MAPK8: variants seen among roughly 807,000 people sequenced by gnomAD.
MAPK8 encodes mitogen-activated protein kinase 8.
Under a neutral mutation model 52.9 loss-of-function variants are expected in MAPK8, and 13 were observed. The ratio of observed to expected loss-of-function variants is 0.25; its 90% CI spans 0.16 to 0.39. The LOEUF (loss-of-function observed/expected upper bound fraction) is 0.39, where lower values mean the gene tolerates loss of function less well. Ranked by LOEUF, MAPK8 falls within the 10% of genes least tolerant of loss-of-function variation. The probability of loss-of-function intolerance (pLI) is 1.00; values close to 1 mark genes in which losing one functional copy is unlikely to be tolerated. For missense variants in MAPK8, 300 were observed against 519.2 expected (o/e 0.58, Z 4.10); for synonymous variants, 191 against 169.8 (o/e 1.12, Z -0.97).
chr10:48,434,774 C>A, intron 11 of MAPK8, 110 bp from the exon 12 acceptor site: 2 of 905,556 alleles, frequency 2.2e-6, no homozygotes, highest in Non-Finnish European at 3.2e-6. Flanking sequence ...TTTAGTGAGC[C>A]TTCGAAACCC....
At chr10:48,340,854 A>G (rs1040704294) in intron 1 of MAPK8, among the ~76,000 whole-genome samples, 4 of 152,144 alleles carry the variant, frequency 2.6e-5, no homozygotes, top group Non-Finnish European at 5.9e-5. Context: ...TACAAATTCT[A>G]GTCACCTTCA....
intron 1 of MAPK8, among the ~76,000 whole-genome samples, chr10:48,378,674 G>A (rs925923020): frequency 6.6e-6 from 1 of 151,934 alleles, no homozygotes; most frequent in South Asian, 2.1e-4. Context: ...GTGTGTTATA[G>A]TTTTCTTATG....
chr10:48,368,826 A>G (rs1848295975), intron 1 of MAPK8, among the ~76,000 whole-genome samples: 1 of 152,184 alleles, frequency 6.6e-6, no homozygotes, highest in Admixed American at 6.6e-5. Context: ...ATGGTTCAGT[A>G]TCAGATGCGT....
chr10:48,403,022 A>C (rs774175473), intron 2 of MAPK8, among the ~76,000 whole-genome samples: 1 of 152,216 alleles, frequency 6.6e-6, no homozygotes, highest in East Asian at 1.9e-4. Flanking sequence ...TAAAATATGC[A>C]AAGCAGTACC....
chr10:48,320,382 C>T (rs1428722201), intron 1 of MAPK8, among the ~76,000 whole-genome samples: 1 of 151,742 alleles, frequency 6.6e-6, no homozygotes, highest in Non-Finnish European at 1.5e-5. Context: ...GGACCACAGG[C>T]ACATGCCACC....
intron 1 of MAPK8, among the ~76,000 whole-genome samples, chr10:48,361,890 A>C (rs936718552): frequency 2.0e-5 from 3 of 152,214 alleles, no homozygotes; most frequent in African/African-American, 7.2e-5. Context: ...CCTTCCTGGC[A>C]TGCAGACTGA....
At chr10:48,405,582 C>G (rs1378972239) in intron 3 of MAPK8, among the ~76,000 whole-genome samples, 9 of 152,166 alleles carry the variant, frequency 5.9e-5, no homozygotes, top group Non-Finnish European at 1.3e-4. Flanking sequence ...AAGTTGCACT[C>G]ATTTTGAGAA....
chr10:48,403,949 G>A (rs1397777067), intron 2 of MAPK8, among the ~76,000 whole-genome samples: 5 of 150,486 alleles, frequency 3.3e-5, no homozygotes, highest in African/African-American at 1.2e-4. Flanking sequence ...GTGTGTGTGT[G>A]TGTGTGTGTA....
intron 5 of MAPK8, among the ~76,000 whole-genome samples, chr10:48,414,557 G>A (rs2042956734): frequency 1.4e-5 from 2 of 143,320 alleles, no homozygotes. Flanking sequence ...GGGTTCAATA[G>A]GTTGAAAAGA....
At chr10:48,372,929 A>G (rs1407291169) in intron 1 of MAPK8, among the ~76,000 whole-genome samples, 1 of 152,138 alleles carries the variant, frequency 6.6e-6, no homozygotes, top group Non-Finnish European at 1.5e-5. Context: ...CAAGACACAT[A>G]ATTGCCAATT....
chr10:48,367,362 G>T (rs115459271), intron 1 of MAPK8, among the ~76,000 whole-genome samples: 1,669 of 151,086 alleles, frequency 0.011, 34 homozygotes, highest in African/African-American at 0.039. Context: ...GTGAGATCTT[G>T]TTTAAAAATT....
intron 1 of MAPK8, among the ~76,000 whole-genome samples, chr10:48,387,171 G>A (rs1445293114): frequency 6.6e-6 from 1 of 152,156 alleles, no homozygotes; most frequent in Non-Finnish European, 1.5e-5. Flanking sequence ...GTGGGTGGGG[G>A]TCAGATTCTC....
At chr10:48,311,212 T>C (rs10437448) in intron 1 of MAPK8, among the ~76,000 whole-genome samples, 76,652 of 152,074 alleles carry the variant, frequency 0.5, 19,940 homozygotes, top group Middle Eastern at 0.72. Flanking sequence ...TTATCACTTA[T>C]ATTTAACTTT....
At chr10:48,432,033 C>T (rs1473293552) in intron 11 of MAPK8, among the ~76,000 whole-genome samples, 1 of 152,146 alleles carries the variant, frequency 6.6e-6, no homozygotes, top group South Asian at 2.1e-4. Context: ...TGAACTAATA[C>T]AGTAACTTCA....
intron 1 of MAPK8, among the ~76,000 whole-genome samples, chr10:48,354,021 G>C (rs1419035884): frequency 6.6e-6 from 1 of 152,138 alleles, no homozygotes; most frequent in African/African-American, 2.4e-5. Flanking sequence ...CACACACACT[G>C]TACTAATGTC....
chr10:48,393,476 G>A (rs2041732415), intron 1 of MAPK8, among the ~76,000 whole-genome samples: 1 of 152,040 alleles, frequency 6.6e-6, no homozygotes. Flanking sequence ...AAAAAATGTA[G>A]TACCTTTCCT....
intron 3 of MAPK8, among the ~76,000 whole-genome samples, chr10:48,406,531 C>T (rs1429252450): frequency 3.3e-5 from 5 of 152,204 alleles, no homozygotes; most frequent in Admixed American, 6.5e-5. Context: ...CCAGGCAGAA[C>T]TCTCAGCACC....
At chr10:48,334,535 G>T (rs1359378226) in intron 1 of MAPK8, among the ~76,000 whole-genome samples, 5 of 152,126 alleles carry the variant, frequency 3.3e-5, no homozygotes, top group African/African-American at 1.2e-4. Context: ...TTGCTGCAGT[G>T]CCTGCTTTTC....
intron 1 of MAPK8, among the ~76,000 whole-genome samples, chr10:48,368,285 T>TA (rs1241522923): frequency 6.6e-6 from 1 of 152,200 alleles, no homozygotes; most frequent in African/African-American, 2.4e-5. Context: ...TTCAGGGTAA[T>TA]ACATGTGCTG....
Sources: gnomAD v4.1 joint callset for allele counts (sites outside exome capture counted in the v4.1 genomes callset) on GRCh38, gnomAD v4.1.1 for gene constraint, MANE v1.5 for transcripts, NCBI Gene and HGNC (gene_info 2026-07-23, HGNC 2026-07-21) for gene names.